Variants in PELP1 observed in about 807,000 individuals in gnomAD.
The protein encoded by PELP1 is proline-, glutamic acid- and leucine-rich protein 1.
A neutral mutation model predicts 95.5 loss-of-function variants in PELP1; 32 were observed. The observed-to-expected ratio is 0.34, with a 90% CI of 0.25 to 0.45. The LOEUF (loss-of-function observed/expected upper bound fraction) is 0.45. PELP1 is among the 20% of genes least tolerant of loss of function. The probability of loss-of-function intolerance (pLI) is 1.00; values close to 1 mark genes in which losing one functional copy is unlikely to be tolerated. For missense variants in PELP1, 1,358 were observed against 1,444.8 expected, an observed-to-expected ratio of 0.94 and a Z score of 0.97; for synonymous variants, 668 against 600.1, an observed-to-expected ratio of 1.11 and a Z score of -1.65.
At chr17:4,681,717 T>C (rs1912697783) in intron 5 of PELP1, among the ~76,000 whole-genome samples, 1 of 151,916 alleles carries the variant, frequency 6.6e-6, no homozygotes, top group South Asian at 2.1e-4. Context: ...GGACAATTGC[T>C]TGAACCCGGG....
Position 4,669,884 on chromosome 17 carries a change from G to C in PELP1, c.*1555C>G, listed in dbSNP as rs4790214. 1 of 151,980 alleles carries C rather than the reference G, an allele frequency of 6.6e-6. No homozygotes were observed. The highest frequency in any genetic ancestry group is 1.5e-5 in the Non-Finnish European group (1 of 68,012). 9.4% of individuals were successfully genotyped at this position (151,980 alleles called of 1,614,324 possible). Reference sequence around the variant, plus strand: ...TGTGCAGAAAAACATTCTTATCTTAGAAGATAATTCATGTTAAAGAATCTG... The same window carrying C: ...TGTGCAGAAAAACATTCTTATCTTACAAGATAATTCATGTTAAAGAATCTG... On this transcript the variant is annotated 3_prime_UTR_variant, in exon 17 of 17. Transcript: ENST00000572293.
At chr17:4,682,596 A>C in intron 4 of PELP1, 23 bp from the exon 5 acceptor site, 1 of 1,591,198 alleles carries the variant, frequency 6.3e-7, no homozygotes, top group Non-Finnish European at 8.6e-7. Context: ...CAAAGGGAGA[A>C]ACGAGAGGCT....
chr17:4,687,589 A>G (rs1215602645), intron 3 of PELP1, among the ~76,000 whole-genome samples: 1 of 152,206 alleles, frequency 6.6e-6, no homozygotes, highest in Non-Finnish European at 1.5e-5. Flanking sequence ...ATGGCCCACA[A>G]ACTAAGAATG....
At chr17:4,676,611 T>C (rs1414758459) in intron 6 of PELP1, 104 bp from the exon 7 acceptor site, 2 of 1,482,092 alleles carry the variant, frequency 1.3e-6, no homozygotes, top group African/African-American at 2.8e-5. Flanking sequence ...GAGAGAGCTC[T>C]GAGGGAAACC....
intron 1 of PELP1, among the ~76,000 whole-genome samples, chr17:4,698,760 C>T (rs1453101616): frequency 6.6e-6 from 1 of 151,784 alleles, no homozygotes. Flanking sequence ...ATAATGGATG[C>T]CTTTAGGAGA....
At position 4,669,842 on chromosome 17, in the gene PELP1, G is replaced by C. The variant is rs1450077865; in HGVS notation, c.*1597C>G. 1 of 151,586 alleles carries C rather than the reference G, an allele frequency of 6.6e-6. No individual in the cohort carries two copies. The highest frequency in any genetic ancestry group is 1.5e-5 in the Non-Finnish European group (1 of 67,908). The allele number at this position is 151,586 out of a possible 1,614,324, so 9.4% of individuals were successfully genotyped here. On this transcript the variant is annotated 3_prime_UTR_variant, in exon 17 of 17. Coordinates refer to ENST00000572293, the MANE Select transcript of PELP1 (RefSeq NM_014389.3). ...GATTACTGTTATTTTTCTTAGGTTT[G>C]ATAATGGTATCAGGATTGTGCAGAA...
chr17:4,695,666 TTAAAA>T (rs1913269688), intron 1 of PELP1, among the ~76,000 whole-genome samples: 1 of 42,772 alleles, frequency 2.3e-5, no homozygotes. Flanking sequence ...ACCCTCTCTC[TTAAAA>T]AAAAAAAAAA....
At chr17:4,671,666 G>A in intron 16 of PELP1, 25 bp downstream of exon 16, 1 of 1,595,188 alleles carries the variant, frequency 6.3e-7, no homozygotes, top group Non-Finnish European at 8.5e-7. Context: ...CTCGCCCAAG[G>A]AACCTTCCCT....
chr17:4,702,018 T>G (rs1567670440), intron 1 of PELP1, among the ~76,000 whole-genome samples: 1 of 152,204 alleles, frequency 6.6e-6, no homozygotes, highest in Non-Finnish European at 1.5e-5. Context: ...AGACGTTAAG[T>G]TCATGTAGTT....
In PELP1 at chr17:4,671,926, G is replaced by A. The variant is rs757800932; in HGVS notation, c.3065C>T (p.Thr1022Ile). Residue 1022 changes from threonine to isoleucine, a missense_variant, in exon 16 of 17, where the codon ACA becomes ATA. Transcript: ENST00000572293. The stretch of plus-strand genomic sequence containing the variant: ...CGCTTCAGGGGCCAGGGTGGGAGCT[G>A]TGTCAGCCCCACGCTCCTCCTCCGT... ...PGTEEERGAD[T>I]APTLAPEALP... 2.0e-6 allele frequency: 3 copies of A among 1,521,450 alleles called. No homozygotes were observed. The highest frequency in any genetic ancestry group is 1.4e-5 in the South Asian group (1 of 73,888). The allele number at this position is 1,521,450 out of a possible 1,614,324, so 94.2% of individuals were successfully genotyped here.
At chr17:4,676,291 CCCT>C in intron 7 of PELP1, 63 bp downstream of exon 7, 2 of 1,577,920 alleles carry the variant, frequency 1.3e-6, no homozygotes, top group Admixed American at 3.4e-5. Flanking sequence ...CTCTGGGCTC[CCCT>C]CCTGTTCCTT....
At chr17:4,683,499 G>A (rs1388727657) in intron 3 of PELP1, among the ~76,000 whole-genome samples, 2 of 135,502 alleles carry the variant, frequency 1.5e-5, no homozygotes, top group Non-Finnish European at 1.6e-5. Flanking sequence ...GATTACAGGT[G>A]TGAGCCATCA....
At chr17:4,689,717 C>A (rs1913025082) in intron 3 of PELP1, among the ~76,000 whole-genome samples, 1 of 152,206 alleles carries the variant, frequency 6.6e-6, no homozygotes, top group South Asian at 2.1e-4. Flanking sequence ...ACCCATCAAC[C>A]AGCAAGTGGA....
rs1912452781 is a variant in PELP1 at position 4,675,983 on chromosome 17, C to T, written c.980+53G>A. 1.9e-6 allele frequency: 3 copies of T among 1,605,870 alleles called. No homozygotes were observed. Among genetic ancestry groups the T allele is most frequent in the Non-Finnish European group, 2.6e-6 (3 of 1,174,446 alleles). ...TTTCTCCTGATGAAGGCGACACTCC[C>T]TCATCAATCCCTCCTGCTCCACGCC... On this transcript the variant is annotated intron_variant, in intron 8 of 16. Coordinates refer to ENST00000572293, the MANE Select transcript of PELP1 (RefSeq NM_014389.3). This position sits in a 1 kb window ranked among gnomAD's most constrained non-coding sequence, Gnocchi z 4.3.
At chr17:4,695,325 A>AAAATAAAC (rs1555554632) in intron 1 of PELP1, among the ~76,000 whole-genome samples, 45 of 150,298 alleles carry the variant, frequency 3.0e-4, no homozygotes, top group Admixed American at 6.7e-4. Flanking sequence ...CCGTCTGGAA[A>AAAATAAAC]AAATAAATAA....
Position 4,671,302 on chromosome 17 carries a change from T to C in PELP1, c.*137A>G, listed in dbSNP as rs1912187389. Reference sequence around the variant, plus strand: ...GACAGCTATGGAGACATCTGGGGAATACTATGGACACCCTGAAAAGCCCAG... The same window carrying C: ...GACAGCTATGGAGACATCTGGGGAACACTATGGACACCCTGAAAAGCCCAG... On this transcript the variant is annotated 3_prime_UTR_variant, in exon 17 of 17. Transcript: ENST00000572293. 3.1e-6 allele frequency: 2 copies of C among 646,814 alleles called. No homozygotes were observed. Among genetic ancestry groups the C allele is most frequent in the African/African-American group, 1.8e-5 (1 of 54,954 alleles). 40.1% of individuals were successfully genotyped at this position (646,814 alleles called of 1,614,324 possible).
Position 4,675,094 on chromosome 17 carries a change from T to C in PELP1, c.1259A>G (p.Gln420Arg). Residue 420 changes from glutamine (Q) to arginine (R), a missense_variant, in exon 11 of 17, where the codon CAG becomes CGG. Gln to Arg is a conservative substitution (Grantham distance 43). Transcript: ENST00000572293. This position sits in a 1 kb window ranked among gnomAD's most constrained non-coding sequence, Gnocchi z 4.3. ...SIGRDSLSPG[Q>R]ERPYSTVRTK... ...GGATGGTCACCTGTAAGGCCTCTCC[T>C]GGCCTGGAGAGAGGGAATCTCTACC... The C allele has an allele frequency of 6.2e-7, 1 of 1,613,410 alleles. No homozygotes were observed. Among genetic ancestry groups the C allele is most frequent in the Non-Finnish European group, 8.5e-7 (1 of 1,179,420 alleles).
chr17:4,681,991 C>T (rs908532090), intron 5 of PELP1, among the ~76,000 whole-genome samples: 9 of 151,762 alleles, frequency 5.9e-5, no homozygotes, highest in African/African-American at 2.2e-4. Flanking sequence ...TGGCGAGACC[C>T]CCCTACAAAA....
At position 4,676,835 on chromosome 17, in the gene PELP1, A is replaced by G; in HGVS notation, c.643-23T>C. On this transcript the variant is annotated intron_variant, in intron 5 of 16. Transcript: ENST00000572293. Reference sequence around the variant, plus strand: ...GCCCTGGATGTGGAGGAAAAAAGGAAGAGGCCAGTGAGCCAGCTCTGAGAG... The same window carrying G: ...GCCCTGGATGTGGAGGAAAAAAGGAGGAGGCCAGTGAGCCAGCTCTGAGAG... 1.9e-6 allele frequency: 3 copies of G among 1,546,876 alleles called. No individual in the cohort carries two copies. The South Asian group carries it at 3.6e-5, about 18-fold the overall frequency.
Sources: allele counts gnomAD v4.1 joint callset (sites outside exome capture counted in the v4.1 genomes callset), GRCh38; gene constraint gnomAD v4.1.1; non-coding constraint Gnocchi (gnomAD v3.1); transcripts MANE v1.5; gene names NCBI Gene and HGNC (gene_info 2026-07-23, HGNC 2026-07-21).